The following VPS53 variants were observed in gnomAD, a reference collection of about 807,000 sequenced individuals.
VPS53 encodes VPS53 subunit of GARP complex, also known as vacuolar protein sorting-associated protein 53 homolog.
VPS53 carries 70 observed loss-of-function variants against 107.0 expected under a neutral mutation model. The observed-to-expected ratio is 0.65, with a 90% CI of 0.54 to 0.80. The LOEUF is 0.80. Ranked by LOEUF, VPS53 falls within the 30% of genes least tolerant of loss-of-function variation. VPS53 has a pLI of 0.00. For missense variants in VPS53, 917 were observed against 1,049.4 expected (o/e 0.87, Z 1.74); for synonymous variants, 409 against 393.3 (o/e 1.04, Z -0.47).
At chr17:555,298 C>T (rs968003519) in intron 15 of VPS53, among the ~76,000 whole-genome samples, 1 of 152,174 alleles carries the variant, frequency 6.6e-6, no homozygotes, top group African/African-American at 2.4e-5. Flanking sequence ...CTTCCTTATT[C>T]CTCTCCCTGA....
At chr17:650,630 G>GC (rs1426953586) in intron 7 of VPS53, among the ~76,000 whole-genome samples, 4 of 152,196 alleles carry the variant, frequency 2.6e-5, no homozygotes, top group Non-Finnish European at 4.4e-5. Flanking sequence ...GGGTAAGGGT[G>GC]CTCTCATACA....
At chr17:536,040 T>C (rs183917978) in intron 18 of VPS53, among the ~76,000 whole-genome samples, 1 of 152,184 alleles carries the variant, frequency 6.6e-6, no homozygotes, top group Non-Finnish European at 1.5e-5. Flanking sequence ...GCTTGATAAC[T>C]GGTCAGAGGA....
Position 519,298 on chromosome 17 carries a change from C to G in VPS53, c.2329G>C (p.Gly777Arg), listed in dbSNP as rs1191869765. The stretch of plus-strand genomic sequence containing the variant: ...CTGCTCTGCTCACTCCTCTTCAGCC[C>G]CTGAGGTTGAGAGAGAAACAGAACC... ...ETFQKILDMK[G>R]LKRSEQSSML... Residue 777 changes from glycine to arginine, a missense_variant and splice_region_variant, in exon 22 of 22, where the codon GGG becomes CGG. Coordinates refer to ENST00000437048, the MANE Select transcript of VPS53 (RefSeq NM_001128159.3). This position sits in a 1 kb window ranked among gnomAD's most constrained non-coding sequence, Gnocchi z 5.0. 1 of 1,479,474 alleles carries G rather than the reference C, an allele frequency of 6.8e-7. No individual in the cohort carries two copies. Among genetic ancestry groups the G allele is most frequent in the African/African-American group, 1.4e-5 (1 of 70,252 alleles). 91.6% of individuals were successfully genotyped at this position (1,479,474 alleles called of 1,614,324 possible). A position where few individuals can be genotyped will look rare whatever the true frequency, so the allele number is the denominator to read the frequency against.
intron 11 of VPS53, among the ~76,000 whole-genome samples, chr17:603,970 T>C (rs1597370345): frequency 6.6e-6 from 1 of 152,230 alleles, no homozygotes; most frequent in Admixed American, 6.5e-5. Context: ...TGAGTCACTA[T>C]GATTCTAAGT....
At chr17:696,605 G>A (rs1189992685) in intron 4 of VPS53, among the ~76,000 whole-genome samples, 1 of 152,062 alleles carries the variant, frequency 6.6e-6, no homozygotes, top group Non-Finnish European at 1.5e-5. Context: ...CTCAACAGAA[G>A]AACAGAATCA....
intron 13 of VPS53, among the ~76,000 whole-genome samples, chr17:564,973 G>A (rs953716574): frequency 2.6e-5 from 4 of 152,134 alleles, no homozygotes; most frequent in African/African-American, 9.7e-5. Context: ...TGCCGTTTAA[G>A]GCTATAGGAA....
intron 15 of VPS53, 83 bp from the exon 16 acceptor site, chr17:553,545 G>A (rs965344195): frequency 4.0e-5 from 39 of 972,356 alleles, no homozygotes; most frequent in East Asian, 5.3e-5. Context: ...CATTTACTGC[G>A]TTTGATGATT....
At chr17:572,380 C>CA (rs1914224754) in intron 13 of VPS53, among the ~76,000 whole-genome samples, 1 of 137,526 alleles carries the variant, frequency 7.3e-6, no homozygotes, top group African/African-American at 2.9e-5. Flanking sequence ...GGAGCGTCTC[C>CA]GCCGGGCAGC....
intron 17 of VPS53, among the ~76,000 whole-genome samples, chr17:543,818 AGGGAGGGAGGG>A (rs1230577771): frequency 5.5e-4 from 15 of 27,118 alleles, no homozygotes; most frequent in Non-Finnish European, 9.5e-4. Flanking sequence ...GAAGGAAGGG[AGGGAGGGAGGG>A]AGGGAGGGAG....
At chr17:658,670 T>C (rs1971314020) in intron 5 of VPS53, among the ~76,000 whole-genome samples, 1 of 144,514 alleles carries the variant, frequency 6.9e-6, no homozygotes, top group South Asian at 2.3e-4. Flanking sequence ...CGTGGATAGA[T>C]ACATCCCACT....
chr17:634,229 C>A (rs1970092191), intron 7 of VPS53, among the ~76,000 whole-genome samples: 2 of 151,442 alleles, frequency 1.3e-5, no homozygotes, highest in African/African-American at 2.5e-5. Flanking sequence ...ACTCTGAATT[C>A]TTGGTGACTC....
At chr17:634,668 A>C (rs896449061) in intron 7 of VPS53, among the ~76,000 whole-genome samples, 1 of 151,210 alleles carries the variant, frequency 6.6e-6, no homozygotes, top group African/African-American at 2.4e-5. Flanking sequence ...TCCTTGCAAT[A>C]GTTTGCTGAG....
chr17:663,585 C>A (rs917509274), intron 4 of VPS53, among the ~76,000 whole-genome samples: 6 of 152,214 alleles, frequency 3.9e-5, no homozygotes, highest in Non-Finnish European at 5.9e-5. Context: ...ACTGGACCGT[C>A]CGTGAGTAAA....
intron 6 of VPS53, among the ~76,000 whole-genome samples, chr17:655,406 G>C (rs763252354): frequency 6.6e-6 from 1 of 152,162 alleles, no homozygotes; most frequent in Admixed American, 6.5e-5. Flanking sequence ...GAAACCTGCT[G>C]AGGCAGAAGC....
intron 19 of VPS53, among the ~76,000 whole-genome samples, chr17:526,540 AAAGAC>A (rs1351981586): frequency 6.6e-6 from 1 of 152,252 alleles, no homozygotes; most frequent in Admixed American, 6.5e-5. Context: ...CTGTCTGTGC[AAAGAC>A]AAGACAGAAA....
At chr17:521,560 G>A (rs1164217249) in intron 20 of VPS53, 41 bp downstream of exon 20, 3 of 1,497,324 alleles carry the variant, frequency 2.0e-6, no homozygotes, top group South Asian at 1.3e-5. Context: ...CAGAAAAAGA[G>A]ATTAAATAAA....
At chr17:699,425 G>A (rs1973113379) in intron 2 of VPS53, 45 bp from the exon 3 acceptor site, 1 of 1,472,856 alleles carries the variant, frequency 6.8e-7, no homozygotes, top group Non-Finnish European at 9.0e-7. Context: ...TCCACTTCCT[G>A]GAATTCCTCT....
intron 12 of VPS53, among the ~76,000 whole-genome samples, chr17:592,516 C>G (rs1475475896): frequency 3.3e-5 from 5 of 152,168 alleles, no homozygotes; most frequent in Non-Finnish European, 7.3e-5. Context: ...CATGATTTTG[C>G]AGTGGCTGGT....
intron 4 of VPS53, among the ~76,000 whole-genome samples, chr17:668,673 T>G (rs1389075545): frequency 6.6e-6 from 1 of 152,210 alleles, no homozygotes; most frequent in East Asian, 1.9e-4. Context: ...TGTCATGTTA[T>G]GGTGACATGC....
Sources: gnomAD v4.1 joint callset for allele counts (sites outside exome capture counted in the v4.1 genomes callset) on GRCh38, gnomAD v4.1.1 for gene constraint, Gnocchi (gnomAD v3.1) non-coding constraint, MANE v1.5 for transcripts, NCBI Gene and HGNC (gene_info 2026-07-23, HGNC 2026-07-21) for gene names.